SETBP1: variants seen among roughly 807,000 people sequenced by gnomAD.
SETBP1 encodes SET binding protein 1, also known as SET-binding protein.
A neutral mutation model predicts 101.0 loss-of-function variants in SETBP1; 9 were observed. The ratio of observed to expected loss-of-function variants is 0.09; its 90% CI spans 0.05 to 0.16. The LOEUF is 0.16. Among genes scored for constraint, SETBP1 ranks in the 10% least tolerant of loss-of-function variants. The pLI, the probability that SETBP1 is intolerant of heterozygous loss-of-function variation, is 1.00. For missense variants in SETBP1, 1,858 were observed against 2,033.8 expected (o/e 0.91, Z 1.66); for synonymous variants, 818 against 788.5 (o/e 1.04, Z -0.63).
chr18:44,845,466 AT>A (rs959642373), intron 2 of SETBP1, among the ~76,000 whole-genome samples: 3 of 152,324 alleles, frequency 2.0e-5, no homozygotes, highest in African/African-American at 7.2e-5. Flanking sequence ...GTACCAAGAT[AT>A]TTTGCCTGAT....
chr18:44,930,320 CTGCTGGATTCGGTT>C (rs1343650301), intron 3 of SETBP1, among the ~76,000 whole-genome samples: 12 of 152,308 alleles, frequency 7.9e-5, no homozygotes, highest in African/African-American at 2.6e-4. Flanking sequence ...TTTTGATGTG[CTGCTGGATTCGGTT>C]TGCCAGTATT....
At chr18:45,036,038 G>A (rs1358384669) in intron 4 of SETBP1, among the ~76,000 whole-genome samples, 1 of 152,112 alleles carries the variant, frequency 6.6e-6, no homozygotes, top group African/African-American at 2.4e-5. Flanking sequence ...TAACAATAAA[G>A]AAGGCTAAGA....
intron 2 of SETBP1, among the ~76,000 whole-genome samples, chr18:44,759,171 G>A (rs1044517914): frequency 3.3e-5 from 5 of 152,278 alleles, no homozygotes; most frequent in African/African-American, 1.2e-4. Context: ...CTGCTGTGGG[G>A]GTTAGATGTG....
At chr18:44,839,272 G>A (rs2072564075) in intron 2 of SETBP1, among the ~76,000 whole-genome samples, 1 of 152,152 alleles carries the variant, frequency 6.6e-6, no homozygotes, top group South Asian at 2.1e-4. Flanking sequence ...GAGCCACCAG[G>A]GAAGTAGCAG....
At chr18:44,710,126 T>A (rs1369293867) in intron 2 of SETBP1, among the ~76,000 whole-genome samples, 1 of 152,214 alleles carries the variant, frequency 6.6e-6, no homozygotes, top group African/African-American at 2.4e-5. Context: ...TTCCTTTTTT[T>A]CTTTTTAATA....
At chr18:44,885,307 A>T (rs1221364560) in intron 3 of SETBP1, among the ~76,000 whole-genome samples, 1 of 152,200 alleles carries the variant, frequency 6.6e-6, no homozygotes, top group African/African-American at 2.4e-5. Context: ...GCAAAGGCAG[A>T]GTTAAAGAAA....
chr18:45,014,272 A>G (rs963804298), intron 4 of SETBP1, among the ~76,000 whole-genome samples: 6 of 152,224 alleles, frequency 3.9e-5, no homozygotes, highest in Admixed American at 1.3e-4. Flanking sequence ...GTTTCAGCCC[A>G]GGCCATCTAG....
At chr18:44,741,460 A>T (rs897627051) in intron 2 of SETBP1, among the ~76,000 whole-genome samples, 5 of 152,178 alleles carry the variant, frequency 3.3e-5, no homozygotes, top group African/African-American at 1.2e-4. Flanking sequence ...TGCCATCGGG[A>T]CCCCTTTTCC....
chr18:45,052,845 G>A (rs2145558652), intron 5 of SETBP1, among the ~76,000 whole-genome samples: 1 of 152,310 alleles, frequency 6.6e-6, no homozygotes, highest in South Asian at 2.1e-4. Flanking sequence ...TAAAAGGACA[G>A]GCATTAACTT....
intron 4 of SETBP1, among the ~76,000 whole-genome samples, chr18:44,967,973 C>A (rs1414265031): frequency 1.3e-5 from 2 of 152,244 alleles, no homozygotes; most frequent in Non-Finnish European, 1.5e-5. Context: ...TCCTTGTGAT[C>A]TGGTAGATGG....
chr18:44,905,471 C>T (rs1369433745), intron 3 of SETBP1, among the ~76,000 whole-genome samples: 3 of 152,120 alleles, frequency 2.0e-5, no homozygotes, highest in Non-Finnish European at 4.4e-5. Flanking sequence ...ATCTTAGATA[C>T]TCAGTAACTA....
Position 44,949,864 on chromosome 18 carries a change from A to G in SETBP1, c.541-17A>G, listed in dbSNP as rs1386248967. 32 of 1,595,454 alleles carry G rather than the reference A, an allele frequency of 2.0e-5. No homozygotes were observed. In the East Asian group the frequency reaches 6.9e-4, roughly 35 times the overall value. Reference sequence around the variant, plus strand: ...TCTCTCTCTGTCTCTCTCCCTCTCCACTCCACCCACCCTTAGGCTTACGAG... The same window carrying G: ...TCTCTCTCTGTCTCTCTCCCTCTCCGCTCCACCCACCCTTAGGCTTACGAG... On this transcript the variant is annotated splice_polypyrimidine_tract_variant and intron_variant, in intron 3 of 5. Transcript: ENST00000649279.
chr18:44,886,210 A>C (rs984217712), intron 3 of SETBP1, among the ~76,000 whole-genome samples: 32 of 152,174 alleles, frequency 2.1e-4, no homozygotes, highest in Non-Finnish European at 7.4e-5. Flanking sequence ...CAGTTTCTTC[A>C]TGTAGCACAT....
At chr18:44,829,862 A>G (rs975174016) in intron 2 of SETBP1, among the ~76,000 whole-genome samples, 7 of 152,212 alleles carry the variant, frequency 4.6e-5, no homozygotes, top group African/African-American at 1.7e-4. Context: ...CTACGTATCC[A>G]CATTATTTAC....
At position 45,064,988 on chromosome 18, in the gene SETBP1, GT is replaced by G. The variant is rs1379066507; in HGVS notation, c.*1292del. On this transcript the variant is annotated 3_prime_UTR_variant, in exon 6 of 6. Transcript: ENST00000649279. ...CCTTGGACAAAGTATCCAAATTGTG[GT>G]TGCCTTAATAAACTAAAACATTATT... is the stretch of plus-strand genomic sequence containing the variant. The G allele has an allele frequency of 1.3e-5, 2 of 152,128 alleles. No individual in the cohort carries two copies. The highest frequency in any genetic ancestry group is 2.9e-5 in the Non-Finnish European group (2 of 68,028). The allele number at this position is 152,128 out of a possible 1,614,324, so 9.4% of individuals were successfully genotyped here.
intron 3 of SETBP1, among the ~76,000 whole-genome samples, chr18:44,933,740 C>T (rs1481711301): frequency 6.6e-6 from 1 of 152,200 alleles, no homozygotes; most frequent in Non-Finnish European, 1.5e-5. Context: ...GGTGTGGTAC[C>T]CTCCGAGCCA....
intron 3 of SETBP1, among the ~76,000 whole-genome samples, chr18:44,875,276 A>G (rs1307342227): frequency 6.6e-6 from 1 of 152,014 alleles, no homozygotes; most frequent in Non-Finnish European, 1.5e-5. Flanking sequence ...ATACCAACAC[A>G]TTGGGAGGCC....
At chr18:44,926,762 AAACAACAACAAC>A (rs200000678) in intron 3 of SETBP1, among the ~76,000 whole-genome samples, 4 of 96,082 alleles carry the variant, frequency 4.2e-5, no homozygotes, top group Non-Finnish European at 9.1e-5. Flanking sequence ...ACAAACAAAC[AAACAACAACAAC>A]AACAACAACA....
At chr18:45,036,438 G>T (rs2073400535) in intron 4 of SETBP1, among the ~76,000 whole-genome samples, 1 of 151,908 alleles carries the variant, frequency 6.6e-6, no homozygotes, top group Non-Finnish European at 1.5e-5. Context: ...TGGATGTGTC[G>T]CTTTACAAAT....
Sources: gnomAD v4.1 joint callset for allele counts (sites outside exome capture counted in the v4.1 genomes callset) on GRCh38, gnomAD v4.1.1 for gene constraint, MANE v1.5 for transcripts, NCBI Gene and HGNC (gene_info 2026-07-23, HGNC 2026-07-21) for gene names.